Variants in GRM7 observed in about 807,000 individuals in gnomAD.
GRM7 encodes glutamate metabotropic receptor 7.
GRM7 carries 35 observed loss-of-function variants against 84.5 expected under a neutral mutation model. That is an observed-to-expected ratio of 0.41 (90% CI 0.32 to 0.55). The LOEUF (loss-of-function observed/expected upper bound fraction) is 0.55. GRM7 is among the 20% of genes least tolerant of loss of function. The pLI is 0.19. For missense variants in GRM7, 1,003 were observed against 1,194.6 expected (o/e 0.84, Z 2.36); for synonymous variants, 487 against 455.1 (o/e 1.07, Z -0.89).
chr3:7,632,474 A>G (rs538164331), intron 8 of GRM7, among the ~76,000 whole-genome samples: 1 of 152,318 alleles, frequency 6.6e-6, no homozygotes, highest in African/African-American at 2.4e-5. Context: ...AATCTTAAAT[A>G]CCATTATTTA....
At chr3:7,319,098 T>C (rs9848606) in intron 4 of GRM7, among the ~76,000 whole-genome samples, 9,254 of 152,032 alleles carry the variant, frequency 0.061, 733 homozygotes, top group African/African-American at 0.18. Flanking sequence ...AGATATAAGA[T>C]ACTGTGCGTG....
intron 1 of GRM7, among the ~76,000 whole-genome samples, chr3:6,899,701 A>G (rs983473515): frequency 2.0e-5 from 3 of 152,204 alleles, no homozygotes; most frequent in African/African-American, 7.2e-5. Context: ...ACTGTAATTT[A>G]TTTTAGACAA....
At chr3:7,317,987 G>A (rs1301514569) in intron 4 of GRM7, among the ~76,000 whole-genome samples, 2 of 151,702 alleles carry the variant, frequency 1.3e-5, no homozygotes, top group Non-Finnish European at 2.9e-5. Flanking sequence ...GTTTGAAGAA[G>A]AACAAGAAAG....
rs148405860 is a variant in GRM7 at position 7,185,465 on chromosome 3, C to G, written c.736+38797C>G. On this transcript the variant is annotated intron_variant, in intron 2 of 9. Coordinates refer to ENST00000357716, the MANE Select transcript of GRM7 (RefSeq NM_000844.4). ...TAAATAACCATTTTGGCCAGGTTTT[C>G]TCAATTTTCAGATGGACCCCACTAT... 4.6e-3 allele frequency among the ~76,000 whole-genome samples: 698 copies of G among 152,274 alleles called. 4 individuals are homozygous for G. Among genetic ancestry groups the G allele is most frequent in the African/African-American group, 0.016 (652 of 41,546 alleles).
At chr3:7,295,557 T>A (rs1699783937) in intron 2 of GRM7, among the ~76,000 whole-genome samples, 1 of 152,208 alleles carries the variant, frequency 6.6e-6, no homozygotes, top group South Asian at 2.1e-4. Context: ...TTGCTCTAGA[T>A]AGCATTGAAT....
At chr3:7,215,456 A>C (rs571512760) in intron 2 of GRM7, among the ~76,000 whole-genome samples, 1 of 152,152 alleles carries the variant, frequency 6.6e-6, no homozygotes, top group African/African-American at 2.4e-5. Context: ...CGAGGTCAGA[A>C]GATCTAGACC....
At chr3:7,070,282 C>T (rs552898952) in intron 1 of GRM7, among the ~76,000 whole-genome samples, 177 of 152,020 alleles carry the variant, frequency 1.2e-3, no homozygotes, top group African/African-American at 4.2e-3. Context: ...ATAACAGTTT[C>T]CAAAGTGTAT....
intron 6 of GRM7, among the ~76,000 whole-genome samples, chr3:7,458,624 C>G (rs910141139): frequency 6.6e-6 from 1 of 152,140 alleles, no homozygotes; most frequent in African/African-American, 2.4e-5. Flanking sequence ...AAGACCGTTT[C>G]TTCTAACTAA....
intron 1 of GRM7, among the ~76,000 whole-genome samples, chr3:7,034,989 G>A (rs750102839): frequency 7.9e-5 from 12 of 152,266 alleles, no homozygotes; most frequent in East Asian, 5.8e-4. Context: ...ACATGGCTTC[G>A]TGAGATTTGA....
intron 1 of GRM7, among the ~76,000 whole-genome samples, chr3:7,064,505 C>CACATATACATATATATATACACAT (rs1553612672): frequency 3.0e-5 from 3 of 101,008 alleles, no homozygotes; most frequent in African/African-American, 1.1e-4. Context: ...TATATATACA[C>CACATATACATATATATATACACAT]ATATATATAT....
chr3:7,166,954 A>G (rs1694819152), intron 2 of GRM7, among the ~76,000 whole-genome samples: 1 of 152,196 alleles, frequency 6.6e-6, no homozygotes, highest in Non-Finnish European at 1.5e-5. Flanking sequence ...AGTATATTTC[A>G]GTTATTATGA....
chr3:7,224,220 A>G (rs1292298722), intron 2 of GRM7, among the ~76,000 whole-genome samples: 1 of 152,200 alleles, frequency 6.6e-6, no homozygotes, highest in Admixed American at 6.5e-5. Context: ...GAAACGTACA[A>G]TCATGGCGGA....
In GRM7 at chr3:7,357,598, T is replaced by C. The variant is rs115330838; in HGVS notation, c.1033+50946T>C. On this transcript the variant is annotated intron_variant, in intron 4 of 9. Transcript: ENST00000357716. ...CTATTTTAAAACAAAATCAGAATGT[T>C]TTATTACACTGCCACCTTTCTAGCT... is the stretch of plus-strand genomic sequence containing the variant. Among the ~76,000 whole-genome samples the C allele has an allele frequency of 6.1e-3, 936 of 152,222 alleles. 6 individuals are homozygous for C. The highest frequency in any genetic ancestry group is 0.021 in the African/African-American group (882 of 41,544).
chr3:7,015,481 G>A (rs373203846), intron 1 of GRM7, among the ~76,000 whole-genome samples: 5 of 152,152 alleles, frequency 3.3e-5, no homozygotes, highest in African/African-American at 4.8e-5. Context: ...AGTAAATAAC[G>A]CACTAGTCAT....
chr3:6,981,627 A>G (rs1007395126), intron 1 of GRM7, among the ~76,000 whole-genome samples: 17 of 152,106 alleles, frequency 1.1e-4, no homozygotes, highest in African/African-American at 4.1e-4. Context: ...CCTCAAACTG[A>G]TAGCCTCCGA....
At chr3:7,002,677 G>C (rs1695052537) in intron 1 of GRM7, among the ~76,000 whole-genome samples, 1 of 152,076 alleles carries the variant, frequency 6.6e-6, no homozygotes, top group South Asian at 2.1e-4. Flanking sequence ...ATAGTATATA[G>C]AGAGTCTTTT....
At chr3:7,698,148 C>T (rs1184342280) in intron 9 of GRM7, among the ~76,000 whole-genome samples, 1 of 152,060 alleles carries the variant, frequency 6.6e-6, no homozygotes, top group African/African-American at 2.4e-5. Context: ...TTGACTTATG[C>T]CAGATGTATG....
intron 4 of GRM7, among the ~76,000 whole-genome samples, chr3:7,361,272 T>G (rs1195090971): frequency 6.6e-6 from 1 of 152,084 alleles, no homozygotes; most frequent in Non-Finnish European, 1.5e-5. Flanking sequence ...TCTCAGAATT[T>G]TATCTGTAGT....
chr3:7,706,966 T>A (rs1044191378), intron 9 of GRM7, among the ~76,000 whole-genome samples: 23 of 149,298 alleles, frequency 1.5e-4, no homozygotes, highest in African/African-American at 5.2e-4. Flanking sequence ...GGTTAAATTC[T>A]TTATGTATAA....
Sources: gnomAD v4.1 joint callset for allele counts (sites outside exome capture counted in the v4.1 genomes callset) on GRCh38, gnomAD v4.1.1 for gene constraint, MANE v1.5 for transcripts, NCBI Gene and HGNC (gene_info 2026-07-23, HGNC 2026-07-21) for gene names.